SLC24A1: variants seen among roughly 807,000 people sequenced by gnomAD.
SLC24A1 encodes sodium/potassium/calcium exchanger 1.
In SLC24A1, 52 loss-of-function variants were observed where a neutral mutation model predicts 88.1. That is an observed-to-expected ratio of 0.59 (90% CI 0.47 to 0.74). The LOEUF (loss-of-function observed/expected upper bound fraction) is 0.74. Ranked by LOEUF, SLC24A1 falls within the 30% of genes least tolerant of loss-of-function variation. SLC24A1 has a pLI of 0.00. For missense variants in SLC24A1, 1,173 were observed against 1,363.3 expected (o/e 0.86, Z 2.20); for synonymous variants, 455 against 498.0 (o/e 0.91, Z 1.15).
chr15:65,626,837 C>T (rs2074537691), intron 2 of SLC24A1, among the ~76,000 whole-genome samples: 1 of 152,186 alleles, frequency 6.6e-6, no homozygotes. Context: ...CATACCACCA[C>T]ACCCGGATCA....
intron 1 of SLC24A1, among the ~76,000 whole-genome samples, chr15:65,623,038 A>G (rs1358396790): frequency 6.6e-6 from 1 of 152,164 alleles, no homozygotes; most frequent in Non-Finnish European, 1.5e-5. Context: ...CACCGTGCTC[A>G]GCCTGTTCAA....
At position 65,645,594 on chromosome 15, in the gene SLC24A1, C is replaced by T. The variant is rs1204715354; in HGVS notation, c.2141-18C>T. 7 of 1,543,464 alleles carry T rather than the reference C, an allele frequency of 4.5e-6. No homozygotes were observed. The African/African-American group carries it at 9.6e-5, about 21-fold the overall frequency. On this transcript the variant is annotated intron_variant, in intron 5 of 9. Coordinates refer to ENST00000261892, the MANE Select transcript of SLC24A1 (RefSeq NM_004727.3). ...CCTTGTCCACTCTTCTGATGTAACC[C>T]ATGTTTATCCTTTAAAGAGGAGGAG...
chr15:65,624,713 C>T lies in SLC24A1; in HGVS notation c.633C>T (p.Ser211=), dbSNP rs1292488460. The T allele has an allele frequency of 6.2e-7, 1 of 1,610,654 alleles. No homozygotes were observed. The highest frequency in any genetic ancestry group is 1.3e-5 in the African/African-American group (1 of 74,862). Residue 211 remains serine, a synonymous_variant, in exon 2 of 10, where the codon AGC becomes AGT. Coordinates refer to ENST00000261892, the MANE Select transcript of SLC24A1 (RefSeq NM_004727.3). ...CCACATTCATGACAATGGAAACAAG[C>T]CATGCGATCACCCCCAGGACAACAG... ...VPSTFMTMET[S]HAITPRTTVK... is the part of the protein sequence containing the mutation.
downstream of SLC24A1, chr15:65,659,016 A>G (rs146686601): frequency 1.3e-5 from 2 of 152,224 alleles, no homozygotes; most frequent in African/African-American, 2.4e-5. Context: ...GAACAGCTGC[A>G]TATTTCTCCA....
intron 4 of SLC24A1, among the ~76,000 whole-genome samples, chr15:65,641,798 T>G (rs2141624172): frequency 6.6e-6 from 1 of 152,284 alleles, no homozygotes; most frequent in Non-Finnish European, 1.5e-5. Flanking sequence ...ACCTCTTGGG[T>G]GGGACTGGAG....
At chr15:65,623,726 G>A (rs1460538257) in intron 1 of SLC24A1, among the ~76,000 whole-genome samples, 1 of 152,078 alleles carries the variant, frequency 6.6e-6, no homozygotes, top group Non-Finnish European at 1.5e-5. Flanking sequence ...TCAGGAACCT[G>A]GGGGGCTGGC....
At chr15:65,637,086 T>C (rs2074966998) in intron 2 of SLC24A1, among the ~76,000 whole-genome samples, 1 of 151,854 alleles carries the variant, frequency 6.6e-6, no homozygotes, top group East Asian at 1.9e-4. Context: ...ATTCATGCAG[T>C]GAAAAGTTAA....
At chr15:65,617,132 T>C (rs2074172434), upstream of SLC24A1, among the ~76,000 whole-genome samples, 1 of 152,220 alleles carries the variant, frequency 6.6e-6, no homozygotes, top group African/African-American at 2.4e-5. Context: ...TGTAGCCTTG[T>C]AGTATAGTTT....
At chr15:65,640,390 C>T (rs1485835789) in intron 4 of SLC24A1, among the ~76,000 whole-genome samples, 1 of 152,156 alleles carries the variant, frequency 6.6e-6, no homozygotes, top group East Asian at 1.9e-4. Flanking sequence ...GTCCACCTTA[C>T]CACATCCTGC....
upstream of SLC24A1, among the ~76,000 whole-genome samples, chr15:65,619,696 C>G (rs2074259366): frequency 6.6e-6 from 1 of 152,136 alleles, no homozygotes; most frequent in African/African-American, 2.4e-5. Flanking sequence ...GTCTCGTTCC[C>G]TCTTCTTTCT....
intron 2 of SLC24A1, among the ~76,000 whole-genome samples, chr15:65,635,446 C>CAAAAAAAAAAAAAAAAA (rs56960432): frequency 6.9e-5 from 4 of 58,344 alleles, no homozygotes; most frequent in East Asian, 6.1e-4. Context: ...ACTCCGTCTC[C>CAAAAAAAAAAAAAAAAA]AAAAAAAAAA....
chr15:65,620,354 C>A (rs1478621646), upstream of SLC24A1, among the ~76,000 whole-genome samples: 3 of 152,048 alleles, frequency 2.0e-5, no homozygotes, highest in Non-Finnish European at 4.4e-5. Context: ...TACCTAAAAG[C>A]AGAAAAACAA....
chr15:65,656,401 GGA>G, downstream of SLC24A1: 3 of 255,426 alleles, frequency 1.2e-5, no homozygotes. Flanking sequence ...ATTCACTGGG[GGA>G]GAGAGTGAGA....
At chr15:65,653,694 T>C (rs1008007825) in intron 9 of SLC24A1, 136 bp from the exon 10 acceptor site, 15 of 851,724 alleles carry the variant, frequency 1.8e-5, no homozygotes, top group South Asian at 5.3e-5. Flanking sequence ...GTCTGTGAAA[T>C]GGGGCTAATA....
chr15:65,619,653 C>T (rs2074257669), upstream of SLC24A1, among the ~76,000 whole-genome samples: 1 of 152,120 alleles, frequency 6.6e-6, no homozygotes, highest in Non-Finnish European at 1.5e-5. Context: ...AATAAACCAG[C>T]CTTAGCCACA....
At chr15:65,653,739 A>C in intron 9 of SLC24A1, 91 bp from the exon 10 acceptor site, 2 of 1,284,140 alleles carry the variant, frequency 1.6e-6, no homozygotes, top group Non-Finnish European at 2.2e-6. Flanking sequence ...TTATTGGTGG[A>C]AAAATACTTT....
intron 4 of SLC24A1, among the ~76,000 whole-genome samples, chr15:65,641,686 G>A (rs1008917591): frequency 1.3e-5 from 2 of 152,184 alleles, no homozygotes; most frequent in African/African-American, 4.8e-5. Flanking sequence ...GATGAGTGCC[G>A]GGGTGCTCTG....
chr15:65,644,494 A>G lies in SLC24A1; in HGVS notation c.2121A>G (p.Lys707=), dbSNP rs201455876. 2 of 1,590,916 alleles carry G rather than the reference A, an allele frequency of 1.3e-6. No homozygotes were observed. Among genetic ancestry groups the G allele is most frequent in the African/African-American group, 2.7e-5 (2 of 74,624 alleles). The change falls in exon 5 of 10, where the codon AAA becomes AAG. Residue 707 remains lysine (K), a synonymous_variant. Transcript: ENST00000261892. ...NQGARAQPQA[K]AESKPEEEEP... ...GGGCCAGAGCCCAACCCCAGGCCAA[A>G]GCAGAAAGCAAACCAGAAGGTGAGA... is the stretch of plus-strand genomic sequence containing the variant.
intron 4 of SLC24A1, among the ~76,000 whole-genome samples, chr15:65,640,106 G>A (rs2141609078): frequency 6.6e-6 from 1 of 152,304 alleles, no homozygotes; most frequent in South Asian, 2.1e-4. Context: ...TAGCCAAGCA[G>A]CTCAGCCCAG....
Sources: gnomAD v4.1 joint callset for allele counts (sites outside exome capture counted in the v4.1 genomes callset) on GRCh38, gnomAD v4.1.1 for gene constraint, MANE v1.5 for transcripts, NCBI Gene and HGNC (gene_info 2026-07-23, HGNC 2026-07-21) for gene names.